Variants in SNX4 observed in about 807,000 individuals in gnomAD.
SNX4 encodes sorting nexin-4.
SNX4 carries 49 observed loss-of-function variants against 70.8 expected under a neutral mutation model. That is an observed-to-expected ratio of 0.69 (90% CI 0.55 to 0.88). The LOEUF (loss-of-function observed/expected upper bound fraction) is 0.88, where lower values mean the gene tolerates loss of function less well. Ranked by LOEUF, SNX4 falls within the 40% of genes least tolerant of loss-of-function variation. SNX4 has a pLI of 0.00. For missense variants in SNX4, 528 were observed against 544.8 expected, an observed-to-expected ratio of 0.97 and a Z score of 0.31; for synonymous variants, 206 against 183.8, an observed-to-expected ratio of 1.12 and a Z score of -0.98.
chr3:125,482,378 C>T (rs753867002), intron 6 of SNX4, among the ~76,000 whole-genome samples: 9 of 152,178 alleles, frequency 5.9e-5, no homozygotes, highest in Non-Finnish European at 1.2e-4. Flanking sequence ...ATCTGTATTT[C>T]CTTCTCCTCT....
chr3:125,457,768 G>A (rs767079258), intron 10 of SNX4, among the ~76,000 whole-genome samples: 7 of 151,708 alleles, frequency 4.6e-5, no homozygotes, highest in Non-Finnish European at 1.0e-4. Context: ...GTAGAGATGG[G>A]AATTCTCCAT....
rs554014497 is a variant in SNX4, at chr3:125,508,342, C to G, written c.142-3598G>C. Among the ~76,000 whole-genome samples, 3 of 152,070 alleles carry G rather than the reference C, an allele frequency of 2.0e-5. No individual in the cohort carries two copies. The South Asian group carries it at 6.2e-4, about 32-fold the overall frequency. ...CAGCACTTTGGGAGGCTGGGGCGGG[C>G]GGATCACGAGGTCAGGAGATTGAGA... On this transcript the variant is annotated intron_variant, in intron 1 of 13. Coordinates refer to ENST00000251775, the MANE Select transcript of SNX4 (RefSeq NM_003794.4).
chr3:125,503,718 T>G (rs1022938452), intron 2 of SNX4, among the ~76,000 whole-genome samples: 2 of 152,176 alleles, frequency 1.3e-5, no homozygotes, highest in Non-Finnish European at 2.9e-5. Flanking sequence ...TTTTACAGAA[T>G]TGCACAGGGA....
At chr3:125,478,211 T>A (rs750792111) in intron 7 of SNX4, among the ~76,000 whole-genome samples, 12 of 151,720 alleles carry the variant, frequency 7.9e-5, no homozygotes, top group Non-Finnish European at 1.3e-4. Context: ...TCCCGAGTAG[T>A]GGGGATTACA....
intron 1 of SNX4, among the ~76,000 whole-genome samples, chr3:125,517,365 G>A (rs1935305381): frequency 6.6e-6 from 1 of 152,168 alleles, no homozygotes; most frequent in Non-Finnish European, 1.5e-5. Flanking sequence ...GCCCCACTGT[G>A]CACAGCACAC....
At chr3:125,456,964 T>C (rs983764512) in intron 11 of SNX4, among the ~76,000 whole-genome samples, 1 of 113,872 alleles carries the variant, frequency 8.8e-6, no homozygotes, top group African/African-American at 4.2e-5. Flanking sequence ...CCCAGCCCAA[T>C]AATTTTTTTT....
intron 10 of SNX4, among the ~76,000 whole-genome samples, 194 bp from the exon 11 acceptor site, chr3:125,457,559 A>C (rs994158525): frequency 5.3e-5 from 8 of 151,404 alleles, no homozygotes; most frequent in South Asian, 2.1e-4. Flanking sequence ...TAACCATAAA[A>C]ACTTCATATA....
Position 125,457,472 on chromosome 3 carries a change from T to C in SNX4, c.945-107A>G. On this transcript the variant is annotated intron_variant, in intron 10 of 13. Coordinates refer to ENST00000251775, the MANE Select transcript of SNX4 (RefSeq NM_003794.4). ...CACAATGTCTCGCTAGGGCAGAATG[T>C]GTGTGCCCAGAATTTTCAAGTTTAA... The C allele has an allele frequency of 5.2e-6, 4 of 762,836 alleles. No individual in the cohort carries two copies. In the East Asian group the frequency reaches 8.1e-5, roughly 16 times the overall value. 47.3% of individuals were successfully genotyped at this position (762,836 alleles called of 1,614,324 possible).
intron 1 of SNX4, among the ~76,000 whole-genome samples, chr3:125,509,842 C>G (rs1559826125): frequency 6.7e-6 from 1 of 150,124 alleles, no homozygotes; most frequent in Non-Finnish European, 1.5e-5. Flanking sequence ...TCTGAAGAAG[C>G]ACATGAAAAG....
At chr3:125,512,720 C>A (rs1935194723) in intron 1 of SNX4, among the ~76,000 whole-genome samples, 1 of 151,888 alleles carries the variant, frequency 6.6e-6, no homozygotes, top group Non-Finnish European at 1.5e-5. Flanking sequence ...GTCTCAAACT[C>A]CCGGGCTCAA....
intron 10 of SNX4, among the ~76,000 whole-genome samples, chr3:125,458,573 T>C (rs1367831045): frequency 6.6e-6 from 1 of 151,752 alleles, no homozygotes; most frequent in Non-Finnish European, 1.5e-5. Context: ...TCCCAGCACT[T>C]TGGGAGGCCG....
chr3:125,496,229 G>A (rs1367981627), intron 5 of SNX4, among the ~76,000 whole-genome samples: 1 of 152,176 alleles, frequency 6.6e-6, no homozygotes, highest in Non-Finnish European at 1.5e-5. Flanking sequence ...AGGAGTTCAA[G>A]GCTGCAGTGA....
chr3:125,465,232 T>C (rs1296518037), intron 9 of SNX4, among the ~76,000 whole-genome samples: 4 of 151,606 alleles, frequency 2.6e-5, no homozygotes, highest in African/African-American at 2.4e-5. Context: ...CTTAGCTTTA[T>C]AGTAAATCTT....
At chr3:125,458,837 A>G (rs1429863959) in intron 10 of SNX4, among the ~76,000 whole-genome samples, 3 of 113,032 alleles carry the variant, frequency 2.7e-5, no homozygotes, top group African/African-American at 3.9e-5. Flanking sequence ...AAAAAAAAAA[A>G]AAAAAAAAGA....
At chr3:125,515,038 T>G (rs1241505855) in intron 1 of SNX4, among the ~76,000 whole-genome samples, 1 of 152,202 alleles carries the variant, frequency 6.6e-6, no homozygotes. Context: ...AAGTATTGTT[T>G]CCTGAAACAA....
At chr3:125,464,138 T>G (rs1427503157) in intron 9 of SNX4, among the ~76,000 whole-genome samples, 1 of 152,194 alleles carries the variant, frequency 6.6e-6, no homozygotes, top group Non-Finnish European at 1.5e-5. Context: ...GTATTAAGTA[T>G]ATATACACTG....
At chr3:125,485,045 G>T (rs1198886932) in intron 6 of SNX4, among the ~76,000 whole-genome samples, 1 of 151,620 alleles carries the variant, frequency 6.6e-6, no homozygotes, top group Admixed American at 6.6e-5. Flanking sequence ...CCAGCTTGGC[G>T]AGAGTGAGAC....
intron 1 of SNX4, among the ~76,000 whole-genome samples, chr3:125,506,817 T>TAAAA (rs71148182): frequency 7.5e-5 from 2 of 26,820 alleles, no homozygotes; most frequent in Non-Finnish European, 1.6e-4. Flanking sequence ...GTGGAGAAAG[T>TAAAA]AAAAAAAAAA....
intron 5 of SNX4, among the ~76,000 whole-genome samples, chr3:125,493,203 C>T (rs549156181): frequency 2.0e-4 from 30 of 152,254 alleles, no homozygotes; most frequent in African/African-American, 6.7e-4. Flanking sequence ...CCTGCCTCAG[C>T]TTCCCAAGTA....
Sources: gnomAD v4.1 joint callset for allele counts (sites outside exome capture counted in the v4.1 genomes callset) on GRCh38, gnomAD v4.1.1 for gene constraint, MANE v1.5 for transcripts, NCBI Gene and HGNC (gene_info 2026-07-23, HGNC 2026-07-21) for gene names.